DLGAP2: variants seen among roughly 807,000 people sequenced by gnomAD.
DLGAP2 encodes disks large-associated protein 2.
In DLGAP2, 26 loss-of-function variants were observed where a neutral mutation model predicts 100.3. The observed-to-expected ratio is 0.26, with a 90% CI of 0.19 to 0.36. The LOEUF (loss-of-function observed/expected upper bound fraction) is 0.36. Ranked by LOEUF, DLGAP2 falls within the 10% of genes least tolerant of loss-of-function variation. The probability of loss-of-function intolerance (pLI) is 1.00; values close to 1 mark genes in which losing one functional copy is unlikely to be tolerated. For missense variants in DLGAP2, 1,858 were observed against 1,453.2 expected, an observed-to-expected ratio of 1.28 and a Z score of -4.53; for synonymous variants, 886 against 630.1, an observed-to-expected ratio of 1.41 and a Z score of -6.08.
chr8:1,147,583 A>T (rs1170323609), intron 2 of DLGAP2, among the ~76,000 whole-genome samples: 2 of 148,876 alleles, frequency 1.3e-5, no homozygotes, highest in Non-Finnish European at 3.0e-5. Context: ...CCCAGGCTGG[A>T]GTCCTGTGGT....
rs559438051 is a variant in DLGAP2, at chr8:905,829, A to T, written c.19-2083A>T. 4.3e-5 allele frequency among the ~76,000 whole-genome samples: 5 copies of T among 117,230 alleles called. No homozygotes were observed. The South Asian group carries it at 8.7e-4, about 20-fold the overall frequency. The allele number at this position is 117,230 out of a possible 152,430, so 76.9% of individuals were successfully genotyped here. A position where few individuals can be genotyped will look rare whatever the true frequency, so the allele number is the denominator to read the frequency against. On this transcript the variant is annotated intron_variant, in intron 1 of 14. Transcript: ENST00000637795. ...CCTCCCGCCCCCAAGCACGTGTCCT[A>T]CTGACCTCACATGCATGTCTTGTGA...
intron 4 of DLGAP2, among the ~76,000 whole-genome samples, chr8:1,545,757 A>C (rs1008762889): frequency 3.3e-5 from 5 of 152,254 alleles, no homozygotes; most frequent in Non-Finnish European, 7.3e-5. Flanking sequence ...GGAAATGAGA[A>C]TGTGGTATCA....
chr8:823,383 C>T (rs1186359077), intron 1 of DLGAP2, among the ~76,000 whole-genome samples: 1 of 152,020 alleles, frequency 6.6e-6, no homozygotes, highest in African/African-American at 2.4e-5. Flanking sequence ...GTTCACAGTA[C>T]GCTTGTCAAC....
At chr8:989,171 T>C (rs1800577545) in intron 2 of DLGAP2, among the ~76,000 whole-genome samples, 1 of 152,122 alleles carries the variant, frequency 6.6e-6, no homozygotes, top group Non-Finnish European at 1.5e-5. Flanking sequence ...CACTGGCCTT[T>C]GATCAGAGCA....
chr8:821,216 C>G lies in DLGAP2; in HGVS notation c.18+83391C>G, dbSNP rs566168608. ...TCAAACAGATGTTTGGTCAGAGATT[C>G]TGGTGACAACAAAGTTTCAGCAGAT... On this transcript the variant is annotated intron_variant, in intron 1 of 14. Coordinates refer to ENST00000637795, the MANE Select transcript of DLGAP2 (RefSeq NM_001346810.2). Among the ~76,000 whole-genome samples the G allele has an allele frequency of 4.5e-3, 687 of 152,296 alleles. 1 individual carries two copies. Among genetic ancestry groups the G allele is most frequent in the Non-Finnish European group, 7.3e-3 (499 of 68,014 alleles).
At chr8:1,272,340 G>A (rs1442283450) in intron 3 of DLGAP2, among the ~76,000 whole-genome samples, 3 of 152,036 alleles carry the variant, frequency 2.0e-5, no homozygotes, top group Admixed American at 2.0e-4. Context: ...TTGTGGTAGG[G>A]GCCAAGGAAT....
At chr8:870,618 C>A (rs921662394) in intron 1 of DLGAP2, among the ~76,000 whole-genome samples, 3 of 152,150 alleles carry the variant, frequency 2.0e-5, no homozygotes, top group African/African-American at 7.2e-5. Context: ...CAGCCTCATT[C>A]TTTTGGTTTT....
At chr8:1,098,827 G>A (rs1456763246) in intron 2 of DLGAP2, among the ~76,000 whole-genome samples, 2 of 151,290 alleles carry the variant, frequency 1.3e-5, no homozygotes. Context: ...GCTCCCGGCC[G>A]CGCACGGACG....
At chr8:1,274,423 ATTTG>A (rs201768389) in intron 3 of DLGAP2, among the ~76,000 whole-genome samples, 2,814 of 151,548 alleles carry the variant, frequency 0.019, 44 homozygotes, top group South Asian at 0.06. Flanking sequence ...GTGACTTTGG[ATTTG>A]TTTTAGAACA....
intron 12 of DLGAP2, 128 bp from the exon 13 acceptor site, chr8:1,691,407 C>G (rs184261034): frequency 5.4e-6 from 4 of 742,554 alleles, no homozygotes; most frequent in African/African-American, 5.3e-5. Flanking sequence ...CGAACACGCT[C>G]GGCACGATGA....
chr8:1,660,946 C>T (rs1174135458), intron 8 of DLGAP2, among the ~76,000 whole-genome samples: 1 of 152,168 alleles, frequency 6.6e-6, no homozygotes, highest in African/African-American at 2.4e-5. Flanking sequence ...GCTAATACCG[C>T]AACTTTCAGC....
chr8:1,155,074 C>T (rs1463330926), intron 2 of DLGAP2, among the ~76,000 whole-genome samples: 1 of 152,200 alleles, frequency 6.6e-6, no homozygotes, highest in East Asian at 1.9e-4. Flanking sequence ...CTCACCCTGG[C>T]CACTGCCTTC....
chr8:1,004,178 A>G (rs1203224405), intron 2 of DLGAP2, among the ~76,000 whole-genome samples: 1 of 152,204 alleles, frequency 6.6e-6, no homozygotes, highest in African/African-American at 2.4e-5. Context: ...GTTCCTACAA[A>G]TGGAAACACT....
At chr8:965,030 C>T (rs1298600683) in intron 2 of DLGAP2, among the ~76,000 whole-genome samples, 5 of 149,386 alleles carry the variant, frequency 3.3e-5, no homozygotes, top group East Asian at 2.0e-4. Context: ...CTGCGCTGCA[C>T]ATGGCACTGT....
chr8:765,869 A>C (rs554994759), intron 1 of DLGAP2, among the ~76,000 whole-genome samples: 107 of 152,264 alleles, frequency 7.0e-4, no homozygotes, highest in African/African-American at 2.4e-3. Flanking sequence ...ACAGGTGCAC[A>C]CAAACATACC....
At chr8:1,231,703 A>G (rs1412010468) in intron 2 of DLGAP2, among the ~76,000 whole-genome samples, 1 of 152,230 alleles carries the variant, frequency 6.6e-6, no homozygotes, top group Admixed American at 6.5e-5. Flanking sequence ...GAAGGTCATT[A>G]TACTAAAAGA....
At chr8:799,338 A>G (rs1796100327) in intron 1 of DLGAP2, among the ~76,000 whole-genome samples, 1 of 151,856 alleles carries the variant, frequency 6.6e-6, no homozygotes, top group African/African-American at 2.4e-5. Context: ...TGGGCAGAGG[A>G]GGGAGTGTGG....
intron 2 of DLGAP2, among the ~76,000 whole-genome samples, chr8:1,257,521 T>C (rs1260521694): frequency 5.2e-5 from 3 of 57,564 alleles, no homozygotes; most frequent in African/African-American, 8.4e-5. Flanking sequence ...ACGTCTGTGC[T>C]CGCTCCCCAG....
chr8:965,632 A>G (rs2701952), intron 2 of DLGAP2, among the ~76,000 whole-genome samples: 1 of 125,384 alleles, frequency 8.0e-6, no homozygotes, highest in Non-Finnish European at 1.6e-5. Flanking sequence ...TGCACACGGC[A>G]CTGTTCACCA....
Sources: allele counts gnomAD v4.1 joint callset (sites outside exome capture counted in the v4.1 genomes callset), GRCh38; gene constraint gnomAD v4.1.1; transcripts MANE v1.5; gene names NCBI Gene and HGNC (gene_info 2026-07-23, HGNC 2026-07-21).